The following CFAP299 variants were observed in gnomAD, a reference collection of about 807,000 sequenced individuals.
CFAP299 encodes the protein cilia and flagella associated protein 299, also known as cilia- and flagella-associated protein 299.
A neutral mutation model predicts 27.0 loss-of-function variants in CFAP299; 21 were observed. The observed-to-expected ratio is 0.78, with a 90% confidence interval of 0.55 to 1.12. CFAP299 has a LOEUF of 1.12. Among genes scored for constraint, CFAP299 ranks in the 50% most tolerant of loss-of-function variants. The pLI is 0.00. For missense variants in CFAP299, 310 were observed against 276.6 expected (o/e 1.12, Z -0.86); for synonymous variants, 104 against 98.1 (o/e 1.06, Z -0.36).
intron 1 of CFAP299, among the ~76,000 whole-genome samples, chr4:80,339,811 A>G (rs1277932620): frequency 6.6e-6 from 1 of 152,226 alleles, no homozygotes; most frequent in African/African-American, 2.4e-5. Context: ...ATTTAAATAA[A>G]CACAGGCCCT....
At chr4:80,765,360 A>C (rs931306899) in intron 3 of CFAP299, among the ~76,000 whole-genome samples, 1 of 152,150 alleles carries the variant, frequency 6.6e-6, no homozygotes, top group Non-Finnish European at 1.5e-5. Context: ...TAAAAGTTAT[A>C]CTAAGCCTCT....
At chr4:80,633,480 G>A (rs973551299) in intron 3 of CFAP299, among the ~76,000 whole-genome samples, 1 of 151,964 alleles carries the variant, frequency 6.6e-6, no homozygotes, top group African/African-American at 2.4e-5. Flanking sequence ...ATAAATAAAA[G>A]TGGAAATGGC....
intron 3 of CFAP299, among the ~76,000 whole-genome samples, chr4:80,770,098 T>C (rs1314774101): frequency 6.6e-6 from 1 of 152,202 alleles, no homozygotes; most frequent in Non-Finnish European, 1.5e-5. Context: ...CTTCTTTCTT[T>C]GCACTTTCTT....
intron 3 of CFAP299, among the ~76,000 whole-genome samples, chr4:80,653,244 A>G (rs1229072469): frequency 1.3e-5 from 2 of 152,108 alleles, no homozygotes; most frequent in African/African-American, 4.8e-5. Flanking sequence ...CTACTGTCTG[A>G]TGGTTCAGGT....
rs779026969 is a variant in CFAP299 at position 80,362,750 on chromosome 4, C to T, written c.112-4C>T. 1.9e-6 allele frequency: 3 copies of T among 1,596,308 alleles called. No homozygotes were observed. In the Admixed American group the frequency reaches 5.5e-5, roughly 29 times the overall value. Reference sequence around the variant, plus strand: ...ACTCACCTAACAACTGATTTTCTCTCTAGGATGAAACCCTGGCCCGCCAGT... The same window carrying T: ...ACTCACCTAACAACTGATTTTCTCTTTAGGATGAAACCCTGGCCCGCCAGT... On this transcript the variant is annotated splice_region_variant and splice_polypyrimidine_tract_variant and intron_variant, in intron 1 of 5. Coordinates refer to ENST00000358105, the MANE Select transcript of CFAP299 (RefSeq NM_152770.3).
intron 4 of CFAP299, among the ~76,000 whole-genome samples, chr4:80,888,941 A>G (rs1029755609): frequency 6.7e-6 from 1 of 149,590 alleles, no homozygotes; most frequent in African/African-American, 2.5e-5. Flanking sequence ...TGGAAACACG[A>G]CATGCCAAAA....
chr4:80,674,287 G>C (rs1002425663), intron 3 of CFAP299, among the ~76,000 whole-genome samples: 1 of 152,128 alleles, frequency 6.6e-6, no homozygotes, highest in Admixed American at 6.6e-5. Flanking sequence ...ATGAAGCATG[G>C]TTTGGCTGGA....
rs143096411 is a variant in CFAP299 at position 80,719,768 on chromosome 4, G to A, written c.333+136585G>A. Among the ~76,000 whole-genome samples the A allele has an allele frequency of 2.2e-3, 340 of 152,198 alleles. 1 individual carries two copies. The highest frequency in any genetic ancestry group is 4.0e-3 in the Non-Finnish European group (273 of 68,010). Reference sequence around the variant, plus strand: ...GACTGTTTGTGAGATGTCTTGTCCAGCTCACCATCTTGTCCAGCCTACCAT... The same window carrying A: ...GACTGTTTGTGAGATGTCTTGTCCAACTCACCATCTTGTCCAGCCTACCAT... On this transcript the variant is annotated intron_variant, in intron 3 of 5. Transcript: ENST00000358105.
chr4:80,386,985 C>A, intron 2 of CFAP299: 1 of 1,054,072 alleles, frequency 9.5e-7, no homozygotes, highest in Non-Finnish European at 1.5e-6. Flanking sequence ...GCCCTTGAAC[C>A]TGCCCCCACT....
At chr4:80,736,530 G>A (rs1476666402) in intron 3 of CFAP299, among the ~76,000 whole-genome samples, 1 of 151,260 alleles carries the variant, frequency 6.6e-6, no homozygotes, top group African/African-American at 2.4e-5. Context: ...CTCAAAAGAA[G>A]ACATTTATGC....
chr4:80,576,992 G>A (rs887749758), intron 2 of CFAP299, among the ~76,000 whole-genome samples: 1 of 152,094 alleles, frequency 6.6e-6, no homozygotes, highest in Admixed American at 6.6e-5. Flanking sequence ...ACTCCCAGGG[G>A]AACCCCCAGA....
chr4:80,752,460 A>G (rs1427633383), intron 3 of CFAP299, among the ~76,000 whole-genome samples: 1 of 147,834 alleles, frequency 6.8e-6, no homozygotes, highest in Non-Finnish European at 1.5e-5. Context: ...TATATAAAAT[A>G]CAATATATAT....
At chr4:80,679,170 T>C (rs1346323083) in intron 3 of CFAP299, among the ~76,000 whole-genome samples, 3 of 152,104 alleles carry the variant, frequency 2.0e-5, no homozygotes, top group Non-Finnish European at 4.4e-5. Context: ...CACTGTATAA[T>C]ATTTTGAAAT....
At chr4:80,436,424 G>A (rs919031412) in intron 2 of CFAP299, among the ~76,000 whole-genome samples, 1 of 150,618 alleles carries the variant, frequency 6.6e-6, no homozygotes, top group African/African-American at 2.4e-5. Flanking sequence ...TCAGCATCCC[G>A]AGTAGCTGGG....
intron 1 of CFAP299, among the ~76,000 whole-genome samples, chr4:80,337,080 T>A (rs1263901352): frequency 6.6e-6 from 1 of 152,190 alleles, no homozygotes; most frequent in Non-Finnish European, 1.5e-5. Flanking sequence ...TAAAACATTA[T>A]ACAGATAATA....
intron 3 of CFAP299, among the ~76,000 whole-genome samples, chr4:80,820,293 T>C (rs1729634503): frequency 6.6e-6 from 1 of 152,184 alleles, no homozygotes; most frequent in African/African-American, 2.4e-5. Context: ...TTCTACTATA[T>C]GAAGCCTATT....
intron 2 of CFAP299, among the ~76,000 whole-genome samples, chr4:80,368,069 A>C (rs1350067323): frequency 6.6e-6 from 1 of 152,164 alleles, no homozygotes; most frequent in Non-Finnish European, 1.5e-5. Flanking sequence ...CACCCCTCTT[A>C]AAACTGGTTC....
At chr4:80,806,390 T>C (rs1337716988) in intron 3 of CFAP299, among the ~76,000 whole-genome samples, 1 of 152,200 alleles carries the variant, frequency 6.6e-6, no homozygotes, top group Non-Finnish European at 1.5e-5. Flanking sequence ...TGTGAAGGTG[T>C]ACTTGGAGAG....
intron 4 of CFAP299, among the ~76,000 whole-genome samples, chr4:80,895,007 T>C (rs976349910): frequency 7.3e-5 from 11 of 151,510 alleles, no homozygotes; most frequent in Non-Finnish European, 8.9e-5. Context: ...ATTAAGGGAG[T>C]TCAGGGGCAA....
Sources: gnomAD v4.1 joint callset for allele counts (sites outside exome capture counted in the v4.1 genomes callset) on GRCh38, gnomAD v4.1.1 for gene constraint, MANE v1.5 for transcripts, NCBI Gene and HGNC (gene_info 2026-07-23, HGNC 2026-07-21) for gene names.